The following SGMS2 variants were observed in gnomAD, a reference collection of about 807,000 sequenced individuals.
SGMS2 encodes sphingomyelin synthase 2, also known as phosphatidylcholine:ceramide cholinephosphotransferase 2.
SGMS2 carries 21 observed loss-of-function variants against 43.8 expected under a neutral mutation model. The observed-to-expected ratio is 0.48, with a 90% confidence interval of 0.34 to 0.69. SGMS2 has a LOEUF of 0.69. SGMS2 is among the 30% of genes least tolerant of loss of function. SGMS2 has a pLI of 0.01. For missense variants in SGMS2, 384 were observed against 443.2 expected, an observed-to-expected ratio of 0.87 and a Z score of 1.20; for synonymous variants, 167 against 160.6, an observed-to-expected ratio of 1.04 and a Z score of -0.30.
chr4:107,862,603 A>T (rs7693451), intron 2 of SGMS2, among the ~76,000 whole-genome samples: 82,412 of 151,980 alleles, frequency 0.54, 23,335 homozygotes, highest in African/African-American at 0.67. Flanking sequence ...GGACCTGTTT[A>T]TTCTGTGTAC....
Position 107,895,929 on chromosome 4 carries a change from T to A in SGMS2, c.376T>A (p.Trp126Arg), listed in dbSNP as rs1730627526. ...TTTTGATTACATTGATAGGGTGAAA[T>A]GGGCATTTTCTGTATCAGAAATAAA... ...KFFDYIDRVKWAFSVSEINGI... is the reference protein window; with the variant it reads ...KFFDYIDRVKRAFSVSEINGI... Residue 126 changes from tryptophan (W) to arginine (R), a missense_variant, in exon 3 of 7, where the codon TGG (tryptophan) becomes AGG (arginine). Trp to Arg is a moderately radical substitution (Grantham distance 101). Coordinates refer to ENST00000690982, the MANE Select transcript of SGMS2 (RefSeq NM_001375905.1). The A allele has an allele frequency of 1.9e-6, 3 of 1,613,796 alleles. No individual in the cohort carries two copies. The highest frequency in any genetic ancestry group is 2.5e-6 in the Non-Finnish European group (3 of 1,179,920).
intron 4 of SGMS2, among the ~76,000 whole-genome samples, chr4:107,901,932 G>A (rs1731145508): frequency 6.7e-6 from 1 of 148,554 alleles, no homozygotes; most frequent in Non-Finnish European, 1.5e-5. Flanking sequence ...TCTGAGATGA[G>A]TTTTGCTCTT....
chr4:107,844,323 C>CAA (rs59121884), intron 1 of SGMS2, among the ~76,000 whole-genome samples: 5 of 143,384 alleles, frequency 3.5e-5, no homozygotes, highest in African/African-American at 7.7e-5. Flanking sequence ...GACTCTATCT[C>CAA]AAAAAAAAAA....
At chr4:107,829,771 T>C (rs905800862) in intron 1 of SGMS2, among the ~76,000 whole-genome samples, 1 of 152,170 alleles carries the variant, frequency 6.6e-6, no homozygotes, top group Non-Finnish European at 1.5e-5. Flanking sequence ...GACAGAGTCT[T>C]GCTATGTTGC....
chr4:107,906,321 G>A (rs1731569575), intron 5 of SGMS2, among the ~76,000 whole-genome samples: 1 of 152,204 alleles, frequency 6.6e-6, no homozygotes, highest in South Asian at 2.1e-4. Context: ...CCATTTCGGG[G>A]TTAGCAAGGG....
chr4:107,873,894 A>G (rs901748932), intron 2 of SGMS2: 1 of 152,108 alleles, frequency 6.6e-6, no homozygotes, highest in African/African-American at 2.4e-5. Flanking sequence ...TGGGCTCCTA[A>G]GAACTATTTA....
intron 1 of SGMS2, among the ~76,000 whole-genome samples, chr4:107,850,956 A>T (rs930083026): frequency 2.0e-5 from 3 of 152,076 alleles, no homozygotes; most frequent in Admixed American, 6.6e-5. Flanking sequence ...TGCTCCAGTG[A>T]TTCCTGGTAC....
rs539117748 is a variant in SGMS2, at chr4:107,910,787, C to T, written c.*234C>T. On this transcript the variant is annotated 3_prime_UTR_variant, in exon 7 of 7. Transcript: ENST00000690982. ...ATTCATTGGTGACAAGCCCCCACCC[C>T]GGGACTTTACTAATGAGCTTGTTAA... 2.5e-5 allele frequency: 12 copies of T among 477,968 alleles called. No individual in the cohort carries two copies. The highest frequency in any genetic ancestry group is 9.2e-5 in the South Asian group (3 of 32,596). 29.6% of individuals were successfully genotyped at this position (477,968 alleles called of 1,614,324 possible). A position where few individuals can be genotyped will look rare whatever the true frequency, so the allele number is the denominator to read the frequency against.
At chr4:107,900,660 A>T (rs1423293130) in intron 4 of SGMS2, among the ~76,000 whole-genome samples, 1 of 152,062 alleles carries the variant, frequency 6.6e-6, no homozygotes, top group Non-Finnish European at 1.5e-5. Context: ...ACTTCAGTGC[A>T]CCCTGGTTTA....
At chr4:107,909,735 G>C (rs963322020) in intron 6 of SGMS2, among the ~76,000 whole-genome samples, 1 of 152,160 alleles carries the variant, frequency 6.6e-6, no homozygotes, top group Non-Finnish European at 1.5e-5. Flanking sequence ...TGTGTACCAT[G>C]ACTTACTTAT....
intron 2 of SGMS2, among the ~76,000 whole-genome samples, chr4:107,876,424 T>C (rs951526782): frequency 6.6e-6 from 1 of 152,220 alleles, no homozygotes; most frequent in Non-Finnish European, 1.5e-5. Flanking sequence ...CTCACTTCTA[T>C]AGATTTTTGC....
chr4:107,869,016 A>G (rs191768523), intron 2 of SGMS2, among the ~76,000 whole-genome samples: 1 of 152,344 alleles, frequency 6.6e-6, no homozygotes, highest in Non-Finnish European at 1.5e-5. Context: ...TATAGGTCAA[A>G]AGGTAGAAGT....
At chr4:107,830,910 A>G (rs1203530115) in intron 1 of SGMS2, among the ~76,000 whole-genome samples, 2 of 152,232 alleles carry the variant, frequency 1.3e-5, no homozygotes, top group Admixed American at 1.3e-4. Flanking sequence ...TTCTCCAAAC[A>G]CAGAAGATGG....
chr4:107,874,117 T>C (rs1035924811), intron 2 of SGMS2: 1 of 152,178 alleles, frequency 6.6e-6, no homozygotes, highest in African/African-American at 2.4e-5. Flanking sequence ...AAGAGCTGTA[T>C]ACTGTGTTCT....
chr4:107,872,992 G>A (rs913455902), intron 2 of SGMS2, among the ~76,000 whole-genome samples: 4 of 152,050 alleles, frequency 2.6e-5, no homozygotes, highest in African/African-American at 4.8e-5. Context: ...CATTTCTAAA[G>A]CTCATCATAT....
At chr4:107,862,215 G>T (rs368867356) in intron 2 of SGMS2, among the ~76,000 whole-genome samples, 4 of 152,304 alleles carry the variant, frequency 2.6e-5, no homozygotes, top group Middle Eastern at 6.8e-3. Flanking sequence ...TGGAATGCAA[G>T]CCCACAGTGT....
At chr4:107,839,327 C>T (rs1277597546) in intron 1 of SGMS2, among the ~76,000 whole-genome samples, 3 of 152,044 alleles carry the variant, frequency 2.0e-5, no homozygotes, top group Non-Finnish European at 4.4e-5. Context: ...ACAACTTCCC[C>T]CTGCTCCACC....
intron 5 of SGMS2, 99 bp from the exon 6 acceptor site, chr4:107,908,466 T>G (rs1261636135): frequency 2.5e-6 from 3 of 1,206,590 alleles, no homozygotes; most frequent in Non-Finnish European, 3.5e-6. Flanking sequence ...GGTGACTTCC[T>G]GATCCTGGGT....
chr4:107,904,773 A>T (rs1399067459), intron 5 of SGMS2, among the ~76,000 whole-genome samples: 5 of 152,188 alleles, frequency 3.3e-5, no homozygotes, highest in Non-Finnish European at 7.4e-5. Context: ...TCCATTTCTA[A>T]TATTGAGTTA....
Sources: gnomAD v4.1 joint callset for allele counts (sites outside exome capture counted in the v4.1 genomes callset) on GRCh38, gnomAD v4.1.1 for gene constraint, MANE v1.5 for transcripts, NCBI Gene and HGNC (gene_info 2026-07-23, HGNC 2026-07-21) for gene names.